Variants in VEGFC observed in about 807,000 individuals in gnomAD.
The protein encoded by VEGFC is FLT4 ligand DHM.
VEGFC carries 12 observed loss-of-function variants against 46.1 expected under a neutral mutation model. That is an observed-to-expected ratio of 0.26 (90% CI 0.17 to 0.42). The LOEUF (loss-of-function observed/expected upper bound fraction) is 0.42. Among genes scored for constraint, VEGFC ranks in the 10% least tolerant of loss-of-function variants. The pLI, the probability that VEGFC is intolerant of heterozygous loss-of-function variation, is 1.00. For missense variants in VEGFC, 488 were observed against 529.4 expected (o/e 0.92, Z 0.77); for synonymous variants, 232 against 195.5 (o/e 1.19, Z -1.56).
chr4:176,727,907 C>T lies in VEGFC; in HGVS notation c.423G>A (p.Gly141=). The change falls in exon 3 of 7, where the codon GGG becomes GGA. Residue 141 remains glycine, a synonymous_variant. Coordinates refer to ENST00000618562, the MANE Select transcript of VEGFC (RefSeq NM_005429.5). The part of the protein sequence containing the change: ...CMPREVCIDV[G]KEFGVATNTF... ...TGTTTGTCGCGACTCCAAACTCCTT[C>T]CCCACATCTATACACACCTCCCGTG... 1 of 1,613,868 alleles carries T rather than the reference C, an allele frequency of 6.2e-7. No homozygotes were observed. Among genetic ancestry groups the T allele is most frequent in the Non-Finnish European group, 8.5e-7 (1 of 1,179,890 alleles).
intron 1 of VEGFC, among the ~76,000 whole-genome samples, chr4:176,732,261 T>C (rs939996224): frequency 3.9e-5 from 6 of 151,956 alleles, no homozygotes. Flanking sequence ...ATACATATTG[T>C]ATGATGGCAA....
At chr4:176,689,877 G>C (rs3775203) in intron 4 of VEGFC, among the ~76,000 whole-genome samples, 1 of 151,858 alleles carries the variant, frequency 6.6e-6, no homozygotes, top group Non-Finnish European at 1.5e-5. Flanking sequence ...TTTATCAAGA[G>C]AGTTTGTCAC....
rs1260320189 is a variant in VEGFC, at chr4:176,792,359, G to T, written c.-48C>A. On this transcript the variant is annotated 5_prime_UTR_variant, in exon 1 of 7. Coordinates refer to ENST00000618562, the MANE Select transcript of VEGFC (RefSeq NM_005429.5). This position sits in a 1 kb window ranked among gnomAD's most constrained non-coding sequence, Gnocchi z 6.3. ...GACCGGTCCGCTGGCGGGGGCAGGG[G>T]TGGGGGCGCGGGCGCCCCTGCGAGG... is the stretch of plus-strand genomic sequence containing the variant. 4 of 1,372,668 alleles carry T rather than the reference G, an allele frequency of 2.9e-6. No individual in the cohort carries two copies. The highest frequency in any genetic ancestry group is 3.1e-5 in the East Asian group (1 of 32,562). The allele number at this position is 1,372,668 out of a possible 1,614,324, so 85.0% of individuals were successfully genotyped here. A position where few individuals can be genotyped will look rare whatever the true frequency, so the allele number is the denominator to read the frequency against.
intron 1 of VEGFC, among the ~76,000 whole-genome samples, chr4:176,789,189 C>G (rs1044156195): frequency 6.6e-6 from 1 of 152,198 alleles, no homozygotes; most frequent in African/African-American, 2.4e-5. Context: ...CCAGGACCTT[C>G]CTCTCAAGAG....
chr4:176,741,401 C>T (rs535122810), intron 1 of VEGFC, among the ~76,000 whole-genome samples: 21 of 151,962 alleles, frequency 1.4e-4, no homozygotes, highest in Non-Finnish European at 2.7e-4. Context: ...CATTAAAACC[C>T]GAACATTTCA....
intron 1 of VEGFC, among the ~76,000 whole-genome samples, chr4:176,776,683 C>T (rs1431338216): frequency 6.6e-6 from 1 of 152,214 alleles, no homozygotes; most frequent in African/African-American, 2.4e-5. Context: ...TACTGACACA[C>T]AGTGGACCAA....
chr4:176,713,938 C>T (rs749384078), intron 3 of VEGFC, among the ~76,000 whole-genome samples: 31 of 152,100 alleles, frequency 2.0e-4, no homozygotes, highest in Non-Finnish European at 7.3e-5. Context: ...ATAACCAGCA[C>T]CCGATGTGGT....
intron 1 of VEGFC, among the ~76,000 whole-genome samples, chr4:176,791,173 G>T (rs1736083055): frequency 6.6e-6 from 1 of 152,148 alleles, no homozygotes; most frequent in Non-Finnish European, 1.5e-5. Flanking sequence ...ACACACCACA[G>T]GTACCTCTCC....
chr4:176,710,577 T>C (rs764057706), intron 4 of VEGFC, among the ~76,000 whole-genome samples: 1 of 152,194 alleles, frequency 6.6e-6, no homozygotes, highest in Non-Finnish European at 1.5e-5. Flanking sequence ...ACATTTATTG[T>C]TGAGTCTTTT....
At chr4:176,698,458 T>C (rs989058649) in intron 4 of VEGFC, among the ~76,000 whole-genome samples, 1 of 152,128 alleles carries the variant, frequency 6.6e-6, no homozygotes, top group African/African-American at 2.4e-5. Flanking sequence ...CCAGCTTTAT[T>C]GAAGTATGAT....
At chr4:176,791,503 T>A (rs1234344453) in intron 1 of VEGFC, among the ~76,000 whole-genome samples, 1 of 141,070 alleles carries the variant, frequency 7.1e-6, no homozygotes, top group African/African-American at 2.5e-5. Flanking sequence ...AAAAAAAACT[T>A]AGTTTGCAGT....
chr4:176,782,372 G>A (rs1387990996), intron 1 of VEGFC, among the ~76,000 whole-genome samples: 3 of 152,008 alleles, frequency 2.0e-5, no homozygotes, highest in African/African-American at 7.3e-5. Context: ...GCTGAGGTAG[G>A]TGGATCACTT....
chr4:176,721,628 T>C (rs1734788486), intron 3 of VEGFC, among the ~76,000 whole-genome samples: 1 of 152,130 alleles, frequency 6.6e-6, no homozygotes, highest in African/African-American at 2.4e-5. Flanking sequence ...AGCAATTAGT[T>C]TTGGTGAAAG....
chr4:176,778,048 T>C (rs1387301556), intron 1 of VEGFC, among the ~76,000 whole-genome samples: 1 of 149,842 alleles, frequency 6.7e-6, no homozygotes, highest in Admixed American at 6.6e-5. Flanking sequence ...CTTGAAGGTA[T>C]AACCACATTC....
At chr4:176,747,797 C>G (rs941575523) in intron 1 of VEGFC, among the ~76,000 whole-genome samples, 2 of 151,808 alleles carry the variant, frequency 1.3e-5, no homozygotes, top group Non-Finnish European at 2.9e-5. Context: ...GTCTCAAAAA[C>G]AAATGAACAA....
intron 6 of VEGFC, among the ~76,000 whole-genome samples, chr4:176,685,321 T>C (rs1291899915): frequency 2.0e-5 from 3 of 152,176 alleles, no homozygotes; most frequent in African/African-American, 7.2e-5. Context: ...ATTAAGGCAA[T>C]GAACCAAAGA....
chr4:176,733,228 T>G (rs552113829), intron 1 of VEGFC, among the ~76,000 whole-genome samples: 4 of 152,048 alleles, frequency 2.6e-5, no homozygotes, highest in Non-Finnish European at 4.4e-5. Flanking sequence ...AAGTTAAACA[T>G]ATACTTACTA....
chr4:176,722,502 T>TG (rs1271261061), intron 3 of VEGFC, among the ~76,000 whole-genome samples: 1 of 149,800 alleles, frequency 6.7e-6, no homozygotes, highest in African/African-American at 2.4e-5. Context: ...TTTTTTTGTT[T>TG]TTTTTTTTTT....
intron 3 of VEGFC, among the ~76,000 whole-genome samples, chr4:176,713,207 T>G (rs1734645351): frequency 6.6e-6 from 1 of 152,206 alleles, no homozygotes; most frequent in Non-Finnish European, 1.5e-5. Flanking sequence ...CTATGTGACC[T>G]CAACATATGC....
Sources: allele counts gnomAD v4.1 joint callset (sites outside exome capture counted in the v4.1 genomes callset), GRCh38; gene constraint gnomAD v4.1.1; non-coding constraint Gnocchi (gnomAD v3.1); transcripts MANE v1.5; gene names NCBI Gene and HGNC (gene_info 2026-07-23, HGNC 2026-07-21).